The following PTPRD variants were observed in gnomAD, a reference collection of about 807,000 sequenced individuals.
PTPRD encodes protein tyrosine phosphatase receptor type D.
In PTPRD, 34 loss-of-function variants were observed where a neutral mutation model predicts 214.5. The observed-to-expected ratio is 0.16, with a 90% confidence interval of 0.12 to 0.21. The LOEUF (loss-of-function observed/expected upper bound fraction) is 0.21, where lower values mean the gene tolerates loss of function less well. Among genes scored for constraint, PTPRD ranks in the 10% least tolerant of loss-of-function variants. The pLI is 1.00. For synonymous variants in PTPRD, 1,128 were observed against 845.7 expected (o/e 1.33, Z -5.79); for missense variants, 2,545 against 2,398.7 (o/e 1.06, Z -1.27).
intron 5 of PTPRD, among the ~76,000 whole-genome samples, chr9:9,829,095 C>A (rs531359914): frequency 1.3e-5 from 2 of 151,916 alleles, no homozygotes; most frequent in East Asian, 1.9e-4. Context: ...ACATATTTTA[C>A]ATTTATCTAT....
At chr9:9,768,448 G>A (rs906065782) in intron 5 of PTPRD, among the ~76,000 whole-genome samples, 8 of 152,132 alleles carry the variant, frequency 5.3e-5, no homozygotes, top group African/African-American at 1.9e-4. Flanking sequence ...ACCCGTCAGT[G>A]TAAAAACCTT....
At chr9:8,484,519 C>T in intron 29 of PTPRD, 141 bp from the exon 30 acceptor site, 1 of 817,332 alleles carries the variant, frequency 1.2e-6, no homozygotes, top group South Asian at 2.1e-5. Flanking sequence ...CATGAGTAGT[C>T]ATAATTCTGG....
intron 10 of PTPRD, among the ~76,000 whole-genome samples, chr9:9,054,121 C>T (rs2099691870): frequency 6.6e-6 from 1 of 152,246 alleles, no homozygotes; most frequent in South Asian, 2.1e-4. Flanking sequence ...TTGTGTGAAG[C>T]ATTTGCCTGC....
intron 3 of PTPRD, among the ~76,000 whole-genome samples, chr9:10,074,674 G>A (rs1042418397): frequency 2.6e-5 from 4 of 152,098 alleles, no homozygotes; most frequent in African/African-American, 9.7e-5. Context: ...AAATTCCTCT[G>A]TACCAGCTCT....
intron 2 of PTPRD, among the ~76,000 whole-genome samples, chr9:10,452,637 T>A (rs1180587236): frequency 3.3e-5 from 5 of 151,916 alleles, no homozygotes; most frequent in Non-Finnish European, 2.9e-5. Context: ...AAAAAATGTC[T>A]ATTCATTTAA....
chr9:9,488,421 C>T (rs2095752651), intron 8 of PTPRD, among the ~76,000 whole-genome samples: 1 of 152,156 alleles, frequency 6.6e-6, no homozygotes, highest in Non-Finnish European at 1.5e-5. Flanking sequence ...TCTACCTTGG[C>T]TCTCCCACTC....
At chr9:10,465,968 T>A (rs1228988566) in intron 2 of PTPRD, among the ~76,000 whole-genome samples, 4 of 152,080 alleles carry the variant, frequency 2.6e-5, no homozygotes, top group Admixed American at 2.6e-4. Context: ...TCAAATACAA[T>A]CAAAATACAG....
intron 9 of PTPRD, among the ~76,000 whole-genome samples, chr9:9,306,822 C>G (rs1957302524): frequency 1.3e-5 from 2 of 152,094 alleles, no homozygotes. Context: ...TTCCATTTTA[C>G]TATTATAATC....
chr9:9,727,951 A>G (rs1450055876), intron 7 of PTPRD, among the ~76,000 whole-genome samples: 1 of 152,156 alleles, frequency 6.6e-6, no homozygotes, highest in African/African-American at 2.4e-5. Flanking sequence ...CCCATCTTGA[A>G]TTGTAGCTCC....
At chr9:9,041,431 A>C (rs2154383776) in intron 10 of PTPRD, among the ~76,000 whole-genome samples, 1 of 152,134 alleles carries the variant, frequency 6.6e-6, no homozygotes, top group East Asian at 1.9e-4. Flanking sequence ...TGTTCTCACC[A>C]TTTAGCTCCT....
chr9:9,175,506 C>T (rs2099924100), intron 10 of PTPRD, among the ~76,000 whole-genome samples: 1 of 151,130 alleles, frequency 6.6e-6, no homozygotes, highest in South Asian at 2.1e-4. Context: ...GCCTGTAATC[C>T]CAGCTACTCA....
At chr9:8,337,792 C>T (rs550465416) in intron 43 of PTPRD, among the ~76,000 whole-genome samples, 85 of 152,008 alleles carry the variant, frequency 5.6e-4, no homozygotes, top group Non-Finnish European at 9.7e-4. Context: ...TTCTTTATCA[C>T]CAGGAATAGT....
chr9:9,213,848 G>A (rs2099950406), intron 9 of PTPRD, among the ~76,000 whole-genome samples: 1 of 152,020 alleles, frequency 6.6e-6, no homozygotes, highest in South Asian at 2.1e-4. Flanking sequence ...AAACAAGCAG[G>A]AAAAATGCAA....
intron 10 of PTPRD, among the ~76,000 whole-genome samples, chr9:9,024,215 T>C (rs536804998): frequency 6.6e-6 from 1 of 151,996 alleles, no homozygotes; most frequent in African/African-American, 2.4e-5. Flanking sequence ...TCCATGAGTA[T>C]TTTTAAATAA....
intron 4 of PTPRD, among the ~76,000 whole-genome samples, chr9:9,967,611 G>T (rs1476811433): frequency 6.6e-6 from 1 of 152,096 alleles, no homozygotes; most frequent in African/African-American, 2.4e-5. Flanking sequence ...AGGTTCATAG[G>T]GTTTAAGAGA....
intron 2 of PTPRD, among the ~76,000 whole-genome samples, chr9:10,567,519 G>A (rs1167042397): frequency 1.3e-5 from 2 of 152,030 alleles, no homozygotes; most frequent in African/African-American, 4.8e-5. Context: ...ACAATCTGAA[G>A]CAGGTCAGGT....
intron 35 of PTPRD, among the ~76,000 whole-genome samples, chr9:8,427,517 G>T (rs147056759): frequency 8.4e-4 from 128 of 152,164 alleles, no homozygotes; most frequent in African/African-American, 2.9e-3. Flanking sequence ...ACAGCATACC[G>T]AGAGGCCAGA....
intron 11 of PTPRD, among the ~76,000 whole-genome samples, chr9:8,757,220 C>CA (rs1385005874): frequency 2.0e-5 from 3 of 151,504 alleles, no homozygotes; most frequent in South Asian, 2.1e-4. Context: ...GTTAGACAAA[C>CA]AAAAAAAGGT....
At chr9:9,882,350 T>C (rs1040838904) in intron 5 of PTPRD, among the ~76,000 whole-genome samples, 1 of 152,114 alleles carries the variant, frequency 6.6e-6, no homozygotes, top group African/African-American at 2.4e-5. Context: ...TTTTTGCTTG[T>C]ATCTGTTTCA....
Sources: allele counts gnomAD v4.1 joint callset (sites outside exome capture counted in the v4.1 genomes callset), GRCh38; gene constraint gnomAD v4.1.1; transcripts MANE v1.5; gene names NCBI Gene and HGNC (gene_info 2026-07-23, HGNC 2026-07-21).